Variants in MARCHF4 observed in about 807,000 individuals in gnomAD.
MARCHF4 encodes the protein E3 ubiquitin-protein ligase MARCHF4.
MARCHF4 carries 14 observed loss-of-function variants against 43.9 expected under a neutral mutation model. The ratio of observed to expected loss-of-function variants is 0.32; its 90% CI spans 0.21 to 0.50. The LOEUF is 0.50. Among genes scored for constraint, MARCHF4 ranks in the 20% least tolerant of loss-of-function variants. The pLI, the probability that MARCHF4 is intolerant of heterozygous loss-of-function variation, is 0.98. For missense variants in MARCHF4, 468 were observed against 536.7 expected, an observed-to-expected ratio of 0.87 and a Z score of 1.27; for synonymous variants, 226 against 213.3, an observed-to-expected ratio of 1.06 and a Z score of -0.52.
intron 1 of MARCHF4, among the ~76,000 whole-genome samples, chr2:216,356,466 T>C (rs914144561): frequency 1.3e-5 from 2 of 152,234 alleles, no homozygotes; most frequent in Non-Finnish European, 2.9e-5. Flanking sequence ...CACACAGTTC[T>C]ATGAGATATT....
chr2:216,321,785 A>C (rs1389886474), intron 1 of MARCHF4: 1 of 152,216 alleles, frequency 6.6e-6, no homozygotes, highest in Non-Finnish European at 1.5e-5. Context: ...TGGTGATACT[A>C]CTAATCAGGC....
At chr2:216,262,472 G>A (rs1259625272) in intron 3 of MARCHF4, among the ~76,000 whole-genome samples, 1 of 152,164 alleles carries the variant, frequency 6.6e-6, no homozygotes, top group Non-Finnish European at 1.5e-5. Flanking sequence ...ATGAGAATAC[G>A]AAAGGTATAA....
intron 1 of MARCHF4, among the ~76,000 whole-genome samples, chr2:216,368,466 A>G (rs1692700140): frequency 1.3e-5 from 2 of 152,224 alleles, no homozygotes; most frequent in African/African-American, 4.8e-5. Flanking sequence ...ACTAAGATCT[A>G]TATCACTTCC....
intron 1 of MARCHF4, among the ~76,000 whole-genome samples, chr2:216,367,117 G>A (rs78635735): frequency 0.018 from 2,711 of 152,246 alleles, 81 homozygotes; most frequent in African/African-American, 0.061. Flanking sequence ...AATGATTGGG[G>A]TGATGGGGAG....
chr2:216,342,952 G>T (rs981056482), intron 1 of MARCHF4, among the ~76,000 whole-genome samples: 1 of 152,136 alleles, frequency 6.6e-6, no homozygotes, highest in African/African-American at 2.4e-5. Flanking sequence ...CTGTGGGGAG[G>T]GTGGGGCAGG....
At chr2:216,319,753 C>G (rs1691848996) in intron 1 of MARCHF4, among the ~76,000 whole-genome samples, 1 of 152,184 alleles carries the variant, frequency 6.6e-6, no homozygotes, top group African/African-American at 2.4e-5. Context: ...ATAAGGAAAT[C>G]TACACTAGAT....
intron 3 of MARCHF4, among the ~76,000 whole-genome samples, chr2:216,266,358 A>G (rs555518587): frequency 9.7e-4 from 148 of 152,294 alleles, no homozygotes; most frequent in South Asian, 5.6e-3. Flanking sequence ...ACTCAATGCC[A>G]CATGATATTG....
intron 1 of MARCHF4, among the ~76,000 whole-genome samples, chr2:216,355,491 C>T (rs1365907598): frequency 2.0e-5 from 3 of 152,068 alleles, no homozygotes; most frequent in Non-Finnish European, 4.4e-5. Context: ...ACTTGAATTG[C>T]ATTTGTAGAA....
At chr2:216,273,238 A>G (rs1690967105) in intron 3 of MARCHF4, among the ~76,000 whole-genome samples, 1 of 152,250 alleles carries the variant, frequency 6.6e-6, no homozygotes, top group South Asian at 2.1e-4. Flanking sequence ...TGTTAAAACC[A>G]TCCATTTTAT....
At chr2:216,287,011 G>T (rs923845428) in intron 1 of MARCHF4, among the ~76,000 whole-genome samples, 3 of 152,150 alleles carry the variant, frequency 2.0e-5, no homozygotes, top group African/African-American at 7.2e-5. Context: ...GGTCACACGG[G>T]CGTCAGACGC....
chr2:216,360,697 T>C (rs1692563097), intron 1 of MARCHF4, among the ~76,000 whole-genome samples: 1 of 152,204 alleles, frequency 6.6e-6, no homozygotes. Flanking sequence ...TCACTATATA[T>C]TGGTCAAAAC....
intron 1 of MARCHF4, among the ~76,000 whole-genome samples, chr2:216,336,516 C>T (rs1339616731): frequency 6.6e-6 from 1 of 151,974 alleles, no homozygotes; most frequent in African/African-American, 2.4e-5. Flanking sequence ...ATTATTTACT[C>T]TGTTAATTGG....
chr2:216,347,791 G>T (rs1354095352), intron 1 of MARCHF4, among the ~76,000 whole-genome samples: 2 of 147,946 alleles, frequency 1.4e-5, no homozygotes, highest in African/African-American at 4.9e-5. Flanking sequence ...TGACGGTAAA[G>T]ACAGAGAAGA....
At chr2:216,312,793 G>A (rs1377980116) in intron 1 of MARCHF4, among the ~76,000 whole-genome samples, 1 of 152,058 alleles carries the variant, frequency 6.6e-6, no homozygotes, top group African/African-American at 2.4e-5. Flanking sequence ...ATTTGTCAGA[G>A]GCATAATTTG....
At chr2:216,287,642 G>A (rs1691237246) in intron 1 of MARCHF4, among the ~76,000 whole-genome samples, 1 of 116,314 alleles carries the variant, frequency 8.6e-6, no homozygotes, top group Admixed American at 9.9e-5. Flanking sequence ...CTGTTGTGGG[G>A]TGGGGGGAGG....
At chr2:216,317,421 G>T (rs59521583) in intron 1 of MARCHF4, among the ~76,000 whole-genome samples, 2 of 151,396 alleles carry the variant, frequency 1.3e-5, no homozygotes, top group African/African-American at 4.9e-5. Flanking sequence ...ATCCTTTTTT[G>T]TTTTTTTTTA....
At chr2:216,361,962 T>C (rs1287728692) in intron 1 of MARCHF4, among the ~76,000 whole-genome samples, 1 of 152,164 alleles carries the variant, frequency 6.6e-6, no homozygotes, top group African/African-American at 2.4e-5. Flanking sequence ...AATGTTCAAA[T>C]TCAGTATTTT....
chr2:216,294,837 T>C (rs1691363638), intron 1 of MARCHF4, among the ~76,000 whole-genome samples: 1 of 152,210 alleles, frequency 6.6e-6, no homozygotes, highest in Non-Finnish European at 1.5e-5. Flanking sequence ...TACTAATAGC[T>C]GAAACTTACT....
chr2:216,260,507 G>A (rs1278793542), intron 3 of MARCHF4, among the ~76,000 whole-genome samples: 2 of 152,232 alleles, frequency 1.3e-5, no homozygotes, highest in Non-Finnish European at 2.9e-5. Flanking sequence ...TGATGAACAG[G>A]AGAGATCCAT....
Sources: allele counts gnomAD v4.1 joint callset (sites outside exome capture counted in the v4.1 genomes callset), GRCh38; gene constraint gnomAD v4.1.1; transcripts MANE v1.5; gene names NCBI Gene and HGNC (gene_info 2026-07-23, HGNC 2026-07-21).